The following SEL1L3 variants were observed in gnomAD, a reference collection of about 807,000 sequenced individuals.
The protein encoded by SEL1L3 is SEL1L family member 3.
A neutral mutation model predicts 142.8 loss-of-function variants in SEL1L3; 76 were observed. The observed-to-expected ratio is 0.53, with a 90% CI of 0.44 to 0.64. The LOEUF (loss-of-function observed/expected upper bound fraction) is 0.64, where lower values mean the gene tolerates loss of function less well. Ranked by LOEUF, SEL1L3 falls within the 30% of genes least tolerant of loss-of-function variation. The pLI is 0.00. For synonymous variants in SEL1L3, 504 were observed against 519.6 expected (o/e 0.97, Z 0.41); for missense variants, 1,262 against 1,381.7 (o/e 0.91, Z 1.37).
chr4:25,767,331 G>A (rs1432998585), intron 19 of SEL1L3, among the ~76,000 whole-genome samples, 194 bp downstream of exon 19: 2 of 152,068 alleles, frequency 1.3e-5, no homozygotes, highest in Non-Finnish European at 2.9e-5. Flanking sequence ...AGCACTCCAC[G>A]GGACAATGGG....
intron 14 of SEL1L3, 144 bp downstream of exon 14, chr4:25,784,084 C>A: frequency 1.4e-6 from 1 of 699,448 alleles, no homozygotes; most frequent in South Asian, 1.7e-5. Context: ...AGTGGGGGTG[C>A]CGTGCTGGCG....
At chr4:25,765,473 T>C (rs554470440) in intron 19 of SEL1L3, 38 bp from the exon 20 acceptor site, 1 of 1,333,374 alleles carries the variant, frequency 7.5e-7, no homozygotes, top group Non-Finnish European at 1.1e-6. Context: ...TGTCAAGTGG[T>C]TTTTTTTATA....
the SEL1L3 span, among the ~76,000 whole-genome samples, chr4:25,723,408 G>C: frequency 6.6e-6 from 1 of 152,140 alleles, no homozygotes; most frequent in East Asian, 1.9e-4. Context: ...CAACCTACAG[G>C]TGCCCAAGTG....
chr4:25,790,869 A>T (rs1191516444), intron 11 of SEL1L3, among the ~76,000 whole-genome samples: 5 of 152,248 alleles, frequency 3.3e-5, no homozygotes, highest in Admixed American at 3.3e-4. Context: ...CGCAAAAGAC[A>T]TGACATTATT....
chr4:25,846,154 C>T (rs1716493814), intron 2 of SEL1L3, among the ~76,000 whole-genome samples: 2 of 152,204 alleles, frequency 1.3e-5, no homozygotes, highest in African/African-American at 2.4e-5. Flanking sequence ...AGGCACTCGG[C>T]ATCCACAGAG....
At chr4:25,725,049 G>C in the SEL1L3 span, among the ~76,000 whole-genome samples, 2 of 152,066 alleles carry the variant, frequency 1.3e-5, no homozygotes, top group African/African-American at 2.4e-5. Context: ...GTCTGCAAAT[G>C]GCTTCCTGGG....
intron 1 of SEL1L3, among the ~76,000 whole-genome samples, chr4:25,854,467 C>T (rs1178575239): frequency 3.3e-5 from 5 of 151,604 alleles, no homozygotes; most frequent in Non-Finnish European, 5.9e-5. Context: ...TAGTAGAGAC[C>T]GAGTTTCACC....
chr4:25,771,625 G>A (rs929609611), intron 17 of SEL1L3, among the ~76,000 whole-genome samples: 2 of 152,132 alleles, frequency 1.3e-5, no homozygotes, highest in African/African-American at 4.8e-5. Context: ...ATTGCAAAAA[G>A]GTGAATTTCT....
chr4:25,731,759 G>A, the SEL1L3 span, among the ~76,000 whole-genome samples: 9 of 152,222 alleles, frequency 5.9e-5, no homozygotes, highest in African/African-American at 1.9e-4. Flanking sequence ...GTTAGTTCCA[G>A]TTAGGGACAT....
chr4:25,737,831 C>T, the SEL1L3 span, among the ~76,000 whole-genome samples: 1 of 152,110 alleles, frequency 6.6e-6, no homozygotes, highest in African/African-American at 2.4e-5. Context: ...ATAGTTGTTA[C>T]ACTGTATTGC....
In SEL1L3 at chr4:25,747,577, AAC is replaced by A. The variant is rs112749321; in HGVS notation, c.*846_*847del. On this transcript the variant is annotated 3_prime_UTR_variant, in exon 24 of 24. Transcript: ENST00000399878. ...CATTCTGCTCTTCCTCTTCCTCTCTAACACACACACACACACACACACACACA... is the reference window on the plus strand; with the variant it reads ...CATTCTGCTCTTCCTCTTCCTCTCTAACACACACACACACACACACACACA... 2,248 of 144,408 alleles carry A rather than the reference AAC, an allele frequency of 0.016. 29 individuals are homozygous for A. The highest frequency in any genetic ancestry group is 0.043 in the African/African-American group (1,693 of 39,634). 8.9% of individuals were successfully genotyped at this position (144,408 alleles called of 1,614,324 possible).
intron 9 of SEL1L3, among the ~76,000 whole-genome samples, chr4:25,815,089 G>A (rs1714303735): frequency 1.3e-5 from 2 of 152,226 alleles, no homozygotes; most frequent in African/African-American, 2.4e-5. Context: ...AAGGCAGGGA[G>A]AAGAGGAAGG....
chr4:25,857,150 T>C (rs1040401333), intron 1 of SEL1L3, among the ~76,000 whole-genome samples: 2 of 152,206 alleles, frequency 1.3e-5, no homozygotes, highest in African/African-American at 4.8e-5. Context: ...GTAATTTCTG[T>C]CTACTAGATA....
Position 25,811,689 on chromosome 4 carries a change from A to G in SEL1L3, c.1564+6449T>C, listed in dbSNP as rs117260586. On this transcript the variant is annotated intron_variant, in intron 9 of 23. Transcript: ENST00000399878. ...GTCTTAAAAAACAAACAAACAAAAAACAACAAAAAAAGCAAAACCCTAGAT... is the reference window on the plus strand; with the variant it reads ...GTCTTAAAAAACAAACAAACAAAAAGCAACAAAAAAAGCAAAACCCTAGAT... 1.1e-4 allele frequency among the ~76,000 whole-genome samples: 17 copies of G among 152,114 alleles called. No individual in the cohort carries two copies. In the East Asian group the frequency reaches 2.7e-3, roughly 24 times the overall value.
chr4:25,762,639 T>C (rs1560280944), intron 20 of SEL1L3, among the ~76,000 whole-genome samples: 1 of 152,156 alleles, frequency 6.6e-6, no homozygotes, highest in African/African-American at 2.4e-5. Context: ...TTAGAGACTA[T>C]GTAATAAAAT....
the SEL1L3 span, chr4:25,719,866 T>C: frequency 3.9e-5 from 6 of 152,170 alleles, no homozygotes; most frequent in Non-Finnish European, 8.8e-5. Context: ...GTATTATGGA[T>C]GCTAGAGCGA....
intron 6 of SEL1L3, among the ~76,000 whole-genome samples, chr4:25,829,390 A>G (rs1449376019): frequency 3.3e-5 from 5 of 152,250 alleles, no homozygotes; most frequent in Admixed American, 6.5e-5. Flanking sequence ...TATTACCCCA[A>G]TAAACCCACT....
intron 9 of SEL1L3, among the ~76,000 whole-genome samples, chr4:25,815,710 A>G (rs1714346792): frequency 6.6e-6 from 1 of 152,108 alleles, no homozygotes; most frequent in Non-Finnish European, 1.5e-5. Context: ...CGTCACCTCC[A>G]GACAACCATC....
chr4:25,732,727 G>A, the SEL1L3 span, among the ~76,000 whole-genome samples: 38 of 151,848 alleles, frequency 2.5e-4, no homozygotes, highest in Non-Finnish European at 4.7e-4. Context: ...AGTTTTAAGT[G>A]TTCTTTGTGT....
Sources: gnomAD v4.1 joint callset for allele counts (sites outside exome capture counted in the v4.1 genomes callset) on GRCh38, gnomAD v4.1.1 for gene constraint, MANE v1.5 for transcripts, NCBI Gene and HGNC (gene_info 2026-07-23, HGNC 2026-07-21) for gene names.